NT5DC3: variants seen among roughly 807,000 people sequenced by gnomAD.
NT5DC3 encodes 5'-nucleotidase domain-containing protein 3.
NT5DC3 carries 42 observed loss-of-function variants against 67.8 expected under a neutral mutation model. The observed-to-expected ratio is 0.62, with a 90% CI of 0.48 to 0.80. NT5DC3 has a LOEUF of 0.80. NT5DC3 is among the 30% of genes least tolerant of loss of function. The pLI is 0.00. For synonymous variants in NT5DC3, 237 were observed against 255.6 expected (o/e 0.93, Z 0.69); for missense variants, 570 against 696.4 (o/e 0.82, Z 2.04).
At chr12:103,759,033 T>C in the NT5DC3 span, 1 of 1,593,550 alleles carries the variant, frequency 6.3e-7, no homozygotes, top group Non-Finnish European at 8.6e-7. Context: ...CAGGAAAGCC[T>C]AGGCCATGAG....
intron 6 of NT5DC3, among the ~76,000 whole-genome samples, chr12:103,796,377 C>T (rs1186236747): frequency 3.3e-5 from 5 of 152,154 alleles, no homozygotes; most frequent in Non-Finnish European, 5.9e-5. Context: ...ATTAGCCAGG[C>T]GTGGTGGCAG....
intron 4 of NT5DC3, among the ~76,000 whole-genome samples, chr12:103,801,031 G>T (rs1886550819): frequency 6.6e-6 from 1 of 152,058 alleles, no homozygotes; most frequent in Admixed American, 6.6e-5. Flanking sequence ...TTTTCACAAG[G>T]TTCCTAGTAA....
chr12:103,826,873 T>A (rs1263899072), intron 1 of NT5DC3, among the ~76,000 whole-genome samples: 2 of 152,220 alleles, frequency 1.3e-5, no homozygotes, highest in African/African-American at 4.8e-5. Context: ...TTTCTTTTAT[T>A]TTGGATAATA....
intron 1 of NT5DC3, among the ~76,000 whole-genome samples, chr12:103,822,642 T>C (rs1887538319): frequency 6.6e-6 from 1 of 152,190 alleles, no homozygotes; most frequent in Admixed American, 6.5e-5. Context: ...TGTGTTGTTT[T>C]GGGGGTGTTC....
downstream of NT5DC3, among the ~76,000 whole-genome samples, chr12:103,768,109 A>T (rs1332064554): frequency 3.1e-5 from 4 of 127,226 alleles, no homozygotes; most frequent in East Asian, 9.4e-4. Flanking sequence ...AAAAAAAAAA[A>T]TTTAACACTT....
downstream of NT5DC3, among the ~76,000 whole-genome samples, chr12:103,767,383 CAG>C (rs1467194559): frequency 1.3e-5 from 2 of 152,110 alleles, no homozygotes; most frequent in African/African-American, 4.8e-5. Context: ...TTGATAGAGA[CAG>C]AAAGTAGGTT....
chr12:103,781,419 C>A (rs993755549), intron 12 of NT5DC3, among the ~76,000 whole-genome samples: 2 of 152,208 alleles, frequency 1.3e-5, no homozygotes, highest in African/African-American at 4.8e-5. Flanking sequence ...CAGAGGGGGA[C>A]CCTGAGCTCT....
In NT5DC3 at chr12:103,797,143, C is replaced by T. The variant is rs796813360; in HGVS notation, c.616-112G>A. 1.9e-5 allele frequency: 22 copies of T among 1,128,294 alleles called. No homozygotes were observed. The African/African-American group carries it at 2.5e-4, about 13-fold the overall frequency. The allele number at this position is 1,128,294 out of a possible 1,614,324, so 69.9% of individuals were successfully genotyped here. ...TTTCCGTGACTAAACGAGATCCCAT[C>T]ATCAACACAAAAAAGGAAAGTTCTA... On this transcript the variant is annotated intron_variant, in intron 5 of 13. Transcript: ENST00000392876.
At chr12:103,838,983 G>C in intron 1 of NT5DC3, among the ~76,000 whole-genome samples, 1 of 152,190 alleles carries the variant, frequency 6.6e-6, no homozygotes, top group East Asian at 1.9e-4. Flanking sequence ...GATGGGTGGG[G>C]CTATAAAGAC....
chr12:103,831,511 C>G (rs10861112), intron 1 of NT5DC3, among the ~76,000 whole-genome samples: 108,889 of 152,012 alleles, frequency 0.72, 39,317 homozygotes, highest in East Asian at 0.9. Flanking sequence ...GGTCACGGGA[C>G]ACTTCCAAAA....
rs781137449 is a variant in NT5DC3 at position 103,775,898 on chromosome 12, A to C, written c.*1931T>G. Reference sequence around the variant, plus strand: ...CCATGGAATGCCAGACTTGGATTTCATCAATAGATGGTTACATACATTTAT... The same window carrying C: ...CCATGGAATGCCAGACTTGGATTTCCTCAATAGATGGTTACATACATTTAT... On this transcript the variant is annotated 3_prime_UTR_variant, in exon 14 of 14. Transcript: ENST00000392876. 6.6e-5 allele frequency: 10 copies of C among 152,248 alleles called. No homozygotes were observed. The highest frequency in any genetic ancestry group is 1.2e-4 in the Non-Finnish European group (8 of 68,046). 9.4% of individuals were successfully genotyped at this position (152,248 alleles called of 1,614,324 possible). A position where few individuals can be genotyped will look rare whatever the true frequency, so the allele number is the denominator to read the frequency against.
rs776235305 is a variant in NT5DC3 at position 103,793,158 on chromosome 12, A to G, written c.1019+6T>C. On this transcript the variant is annotated splice_donor_region_variant and intron_variant, in intron 9 of 13. Coordinates refer to ENST00000392876, the MANE Select transcript of NT5DC3 (RefSeq NM_001031701.3). ...AATCTAGTCCCCTAGAAAAATAAAC[A>G]CTCACCTCCGCTTATCATTAAAGAA... The G allele has an allele frequency of 1.3e-6, 2 of 1,572,494 alleles. No individual in the cohort carries two copies. Among genetic ancestry groups the G allele is most frequent in the African/African-American group, 1.4e-5 (1 of 73,658 alleles).
At chr12:103,786,761 C>A (rs1187383529) in intron 11 of NT5DC3, among the ~76,000 whole-genome samples, 1 of 150,054 alleles carries the variant, frequency 6.7e-6, no homozygotes, top group East Asian at 2.0e-4. Context: ...CAGCTCACTG[C>A]AGTTTCCACC....
At position 103,787,539 on chromosome 12, in the gene NT5DC3, G is replaced by T. The variant is rs371926519; in HGVS notation, c.1102-12C>A. 8 of 1,423,250 alleles carry T rather than the reference G, an allele frequency of 5.6e-6. No individual in the cohort carries two copies. The African/African-American group carries it at 1.1e-4, about 20-fold the overall frequency. 88.2% of individuals were successfully genotyped at this position (1,423,250 alleles called of 1,614,324 possible). A position where few individuals can be genotyped will look rare whatever the true frequency, so the allele number is the denominator to read the frequency against. ...TCATATAAATTACCCTGTAATCAGA[G>T]AAAACTATAGTTATTATTATTACAG... On this transcript the variant is annotated splice_polypyrimidine_tract_variant and intron_variant, in intron 10 of 13. Transcript: ENST00000392876.
chr12:103,839,936 T>C (rs753255126), intron 1 of NT5DC3, among the ~76,000 whole-genome samples: 83 of 152,240 alleles, frequency 5.5e-4, no homozygotes, highest in Non-Finnish European at 8.8e-4. Flanking sequence ...TCCCTATCTA[T>C]GTGCCACCTC....
intron 9 of NT5DC3, among the ~76,000 whole-genome samples, chr12:103,791,718 G>A (rs11111779): frequency 0.29 from 44,610 of 152,066 alleles, 7,036 homozygotes; most frequent in East Asian, 0.6. Context: ...GGAGGCGAGC[G>A]TCCAGTGGGT....
At chr12:103,759,192 T>A in the NT5DC3 span, 11 of 1,614,182 alleles carry the variant, frequency 6.8e-6, no homozygotes, top group Non-Finnish European at 9.3e-6. Context: ...TTTTCTACAA[T>A]GACCTTGTCA....
rs766458046 is a variant in NT5DC3 at position 103,775,482 on chromosome 12, C to G, written c.*2347G>C. 6.6e-6 allele frequency: 1 copy of G among 152,148 alleles called. No homozygotes were observed. The highest frequency in any genetic ancestry group is 2.4e-5 in the African/African-American group (1 of 41,434). 9.4% of individuals were successfully genotyped at this position (152,148 alleles called of 1,614,324 possible). A position where few individuals can be genotyped will look rare whatever the true frequency, so the allele number is the denominator to read the frequency against. On this transcript the variant is annotated 3_prime_UTR_variant, in exon 14 of 14. Transcript: ENST00000392876. ...AAAACCAAGAATTATTTTTAAGCAACACCTACTTCCTGAATCTGCTTCTCC... is the reference window on the plus strand; with the variant it reads ...AAAACCAAGAATTATTTTTAAGCAAGACCTACTTCCTGAATCTGCTTCTCC...
chr12:103,759,138 G>C, the NT5DC3 span: 1 of 1,614,008 alleles, frequency 6.2e-7, no homozygotes, highest in South Asian at 1.1e-5. Flanking sequence ...CTCAGACCTT[G>C]TCTGGGCGGG....
Sources: allele counts gnomAD v4.1 joint callset (sites outside exome capture counted in the v4.1 genomes callset), GRCh38; gene constraint gnomAD v4.1.1; transcripts MANE v1.5; gene names NCBI Gene and HGNC (gene_info 2026-07-23, HGNC 2026-07-21).